The following CERS1 variants were observed in gnomAD, a reference collection of about 807,000 sequenced individuals.
CERS1 encodes ceramide synthase 1.
A neutral mutation model predicts 35.7 loss-of-function variants in CERS1; 16 were observed. The observed-to-expected ratio is 0.45, with a 90% CI of 0.30 to 0.68. The LOEUF is 0.68. Ranked by LOEUF, CERS1 falls within the 30% of genes least tolerant of loss-of-function variation. The probability of loss-of-function intolerance (pLI) is 0.08; values close to 1 mark genes in which losing one functional copy is unlikely to be tolerated. For missense variants in CERS1, 454 were observed against 453.9 expected (o/e 1.00, Z 0.00); for synonymous variants, 243 against 201.6 (o/e 1.21, Z -1.74).
chr19:18,893,800 A>AG (rs2056557078), intron 1 of CERS1, among the ~76,000 whole-genome samples: 1 of 147,704 alleles, frequency 6.8e-6, no homozygotes, highest in Non-Finnish European at 1.5e-5. Flanking sequence ...GAGGGGAGTG[A>AG]GGGGGGAGGC....
Position 18,870,562 on chromosome 19 carries a change from G to A in CERS1, c.*15C>T. On this transcript the variant is annotated 3_prime_UTR_variant, in exon 7 of 8. Transcript: ENST00000623882. This position sits in a 1 kb window ranked among gnomAD's most constrained non-coding sequence, Gnocchi z 5.1. ...TCGGGGTGGGGCCGGGTCCACGGGGGCGGGGCCGAGGGGTTCAGAAGCGCT... is the reference window on the plus strand; with the variant it reads ...TCGGGGTGGGGCCGGGTCCACGGGGACGGGGCCGAGGGGTTCAGAAGCGCT... 5.4e-6 allele frequency: 3 copies of A among 557,342 alleles called. No homozygotes were observed. The highest frequency in any genetic ancestry group is 3.2e-5 in the East Asian group (1 of 31,682). The allele number at this position is 557,342 out of a possible 1,614,324, so 34.5% of individuals were successfully genotyped here.
intron 7 of CERS1, 42 bp downstream of exon 7, chr19:18,869,941 C>T: frequency 1.3e-6 from 2 of 1,541,460 alleles, no homozygotes; most frequent in Non-Finnish European, 1.8e-6. Context: ...CCTGCGAGGT[C>T]TGGCCTCCAG....
rs542061949 is a variant in CERS1, at chr19:18,877,130, T to C, written c.1010+1800A>G. Among the ~76,000 whole-genome samples, 101 of 152,344 alleles carry C rather than the reference T, an allele frequency of 6.6e-4. No homozygotes were observed. In the South Asian group the frequency reaches 0.02, roughly 31 times the overall value. Reference sequence around the variant, plus strand: ...AATCGAATTCTGCTGGTGGTGCCTATGGGATCAATCATCACAGGGTGTTCC... The same window carrying C: ...AATCGAATTCTGCTGGTGGTGCCTACGGGATCAATCATCACAGGGTGTTCC... On this transcript the variant is annotated intron_variant, in intron 6 of 7. Transcript: ENST00000623882.
intron 2 of CERS1, among the ~76,000 whole-genome samples, chr19:18,892,106 C>G (rs1260453784): frequency 1.3e-5 from 2 of 151,776 alleles, no homozygotes; most frequent in Non-Finnish European, 2.9e-5. Context: ...CCATGTTGGC[C>G]GTGCTAGTCT....
chr19:18,880,215 G>A lies in CERS1; in HGVS notation c.752+59C>T, dbSNP rs2056169008. ...CCTGCCTGGTCCCGCCCCTTTTCTG[G>A]ACACACCCACCTCACCAGGCCACAC... On this transcript the variant is annotated intron_variant, in intron 4 of 7. Transcript: ENST00000623882. 5.4e-6 allele frequency: 8 copies of A among 1,473,330 alleles called. No homozygotes were observed. In the South Asian group the frequency reaches 1.1e-4, roughly 20 times the overall value. The allele number at this position is 1,473,330 out of a possible 1,614,324, so 91.3% of individuals were successfully genotyped here.
intron 2 of CERS1, among the ~76,000 whole-genome samples, chr19:18,885,589 G>T (rs1490510630): frequency 1.4e-5 from 2 of 146,172 alleles, no homozygotes; most frequent in Admixed American, 1.4e-4. Context: ...GCGGGATCTC[G>T]GCTCACTGCA....
rs1405103500 is a variant in CERS1 at position 18,884,235 on chromosome 19, T to A, written c.442A>T (p.Ile148Phe). Residue 148 changes from isoleucine (I) to phenylalanine (F), a missense_variant, in exon 3 of 8, where the codon ATT becomes TTT. Physicochemically the swap from Ile to Phe is conservative, Grantham distance 21 (BLOSUM62 0). Transcript: ENST00000623882. ...CCCTGGAGCAGGTAGGCGGCTGCAA[T>A]GTCCCGTGGCACTGCCATGCCCGGC... The part of the protein sequence containing the change: ...WTPGMAVPRD[I>F]AAAYLLQGSF... 5 of 1,613,094 alleles carry A rather than the reference T, an allele frequency of 3.1e-6. No homozygotes were observed. Among genetic ancestry groups the A allele is most frequent in the Non-Finnish European group, 4.2e-6 (5 of 1,179,776 alleles).
chr19:18,891,299 G>A (rs2056485136), intron 2 of CERS1, among the ~76,000 whole-genome samples: 1 of 152,118 alleles, frequency 6.6e-6, no homozygotes. Flanking sequence ...AGCCCTCTAG[G>A]CTGTTCCCAT....
intron 2 of CERS1, among the ~76,000 whole-genome samples, chr19:18,890,873 T>A (rs1194132284): frequency 6.7e-6 from 1 of 149,776 alleles, no homozygotes; most frequent in African/African-American, 2.5e-5. Context: ...CCTGTAATCC[T>A]GACACTTTGG....
Position 18,878,866 on chromosome 19 carries a change from C to G in CERS1, c.1010+64G>C. 1 of 1,576,288 alleles carries G rather than the reference C, an allele frequency of 6.3e-7. No homozygotes were observed. The highest frequency in any genetic ancestry group is 2.3e-5 in the East Asian group (1 of 43,354). On this transcript the variant is annotated intron_variant, in intron 6 of 7. Coordinates refer to ENST00000623882, the MANE Select transcript of CERS1 (RefSeq NM_021267.5). This position sits in a 1 kb window ranked among gnomAD's most constrained non-coding sequence, Gnocchi z 4.6. Reference sequence around the variant, plus strand: ...CTGCTGGGTCTTGGGGGCCTGCCCACGAACACGCTTGGACGGGTGACACTA... The same window carrying G: ...CTGCTGGGTCTTGGGGGCCTGCCCAGGAACACGCTTGGACGGGTGACACTA...
Position 18,868,934 on chromosome 19 carries a change from C to G in CERS1, c.*1051G>C. The G allele has an allele frequency of 4.6e-6, 6 of 1,292,276 alleles. No homozygotes were observed. The highest frequency in any genetic ancestry group is 5.9e-6 in the Non-Finnish European group (6 of 1,013,190). The allele number at this position is 1,292,276 out of a possible 1,614,324, so 80.1% of individuals were successfully genotyped here. On this transcript the variant is annotated 3_prime_UTR_variant, in exon 8 of 8. Transcript: ENST00000623882. Reference sequence around the variant, plus strand: ...CGCGCGACAAGCGCCCCCGGGGCCGCCGCCCAACACGGGTTCGGCGTCGCG... The same window carrying G: ...CGCGCGACAAGCGCCCCCGGGGCCGGCGCCCAACACGGGTTCGGCGTCGCG...
At position 18,868,923 on chromosome 19, in the gene CERS1, C is replaced by A; in HGVS notation, c.*1062G>T. 1 of 1,337,758 alleles carries A rather than the reference C, an allele frequency of 7.5e-7. No homozygotes were observed. The highest frequency in any genetic ancestry group is 9.7e-7 in the Non-Finnish European group (1 of 1,035,400). 82.9% of individuals were successfully genotyped at this position (1,337,758 alleles called of 1,614,324 possible). A position where few individuals can be genotyped will look rare whatever the true frequency, so the allele number is the denominator to read the frequency against. On this transcript the variant is annotated 3_prime_UTR_variant, in exon 8 of 8. Coordinates refer to ENST00000623882, the MANE Select transcript of CERS1 (RefSeq NM_021267.5). ...TACAGCCGCCGCGCGCGACAAGCGC[C>A]CCCGGGGCCGCCGCCCAACACGGGT...
chr19:18,887,839 A>G (rs1455799656), intron 2 of CERS1, among the ~76,000 whole-genome samples: 1 of 151,966 alleles, frequency 6.6e-6, no homozygotes, highest in Non-Finnish European at 1.5e-5. Context: ...AACCATCACC[A>G]GCAGCCATCT....
In CERS1 at chr19:18,884,236, G is replaced by A. The variant is rs1288717603; in HGVS notation, c.441C>T (p.Asp147=). The change falls in exon 3 of 8, where the codon GAC becomes GAT. Residue 147 remains aspartate, a synonymous_variant. Transcript: ENST00000623882. ...DWTPGMAVPR[D]IAAAYLLQGS... Reference sequence around the variant, plus strand: ...CCTGGAGCAGGTAGGCGGCTGCAATGTCCCGTGGCACTGCCATGCCCGGCG... The same window carrying A: ...CCTGGAGCAGGTAGGCGGCTGCAATATCCCGTGGCACTGCCATGCCCGGCG... 7 of 1,613,134 alleles carry A rather than the reference G, an allele frequency of 4.3e-6. No individual in the cohort carries two copies. The highest frequency in any genetic ancestry group is 5.9e-6 in the Non-Finnish European group (7 of 1,179,790).
In CERS1 at chr19:18,870,375, C is replaced by T; in HGVS notation, c.*202G>A. ...CGGCCCGGGACCAGTGGGCTGAGGGCGGGGCCGGTGTCCCCGGAGGGGCAG... is the reference window on the plus strand; with the variant it reads ...CGGCCCGGGACCAGTGGGCTGAGGGTGGGGCCGGTGTCCCCGGAGGGGCAG... On this transcript the variant is annotated 3_prime_UTR_variant, in exon 7 of 8. Coordinates refer to ENST00000623882, the MANE Select transcript of CERS1 (RefSeq NM_021267.5). The surrounding 1 kb of genome is among the most constrained non-coding windows in gnomAD (Gnocchi z 5.1). The T allele has an allele frequency of 1.3e-6, 2 of 1,491,100 alleles. No individual in the cohort carries two copies. The highest frequency in any genetic ancestry group is 9.0e-7 in the Non-Finnish European group (1 of 1,116,496). 92.4% of individuals were successfully genotyped at this position (1,491,100 alleles called of 1,614,324 possible).
chr19:18,885,235 C>T (rs2056320332), intron 2 of CERS1, among the ~76,000 whole-genome samples: 1 of 152,136 alleles, frequency 6.6e-6, no homozygotes, highest in Non-Finnish European at 1.5e-5. Flanking sequence ...TTGGCTTGTT[C>T]TGTGGCCCAT....
intron 2 of CERS1, among the ~76,000 whole-genome samples, chr19:18,886,264 C>G (rs142750863): frequency 0.023 from 3,417 of 150,024 alleles, 65 homozygotes; most frequent in Non-Finnish European, 0.033. Flanking sequence ...TAAAAATTAG[C>G]TGGGGCCGGG....
intron 6 of CERS1, among the ~76,000 whole-genome samples, chr19:18,872,944 C>T (rs754116186): frequency 2.0e-5 from 3 of 152,214 alleles, no homozygotes; most frequent in African/African-American, 4.8e-5. Flanking sequence ...GCCACCATGC[C>T]GGGCCGAGAT....
Position 18,884,281 on chromosome 19 carries a change from A to T in CERS1, c.410-14T>A, listed in dbSNP as rs768914326. The T allele has an allele frequency of 6.2e-7, 1 of 1,605,506 alleles. No individual in the cohort carries two copies. The highest frequency in any genetic ancestry group is 8.5e-7 in the Non-Finnish European group (1 of 1,177,102). Reference sequence around the variant, plus strand: ...CCGGCGTCCAGTCTGGGGAGAGCCAAATCTCACAGTCAGGGCCCTGCGAAG... The same window carrying T: ...CCGGCGTCCAGTCTGGGGAGAGCCATATCTCACAGTCAGGGCCCTGCGAAG... On this transcript the variant is annotated splice_polypyrimidine_tract_variant and intron_variant, in intron 2 of 7. Transcript: ENST00000623882.
Sources: gnomAD v4.1 joint callset for allele counts (sites outside exome capture counted in the v4.1 genomes callset) on GRCh38, gnomAD v4.1.1 for gene constraint, Gnocchi (gnomAD v3.1) non-coding constraint, MANE v1.5 for transcripts, NCBI Gene and HGNC (gene_info 2026-07-23, HGNC 2026-07-21) for gene names.